FRMD1: variants seen among roughly 807,000 people sequenced by gnomAD.
The protein encoded by FRMD1 is FERM domain-containing protein 1.
FRMD1 carries 51 observed loss-of-function variants against 54.9 expected under a neutral mutation model. The observed-to-expected ratio is 0.93, with a 90% CI of 0.74 to 1.17. FRMD1 has a LOEUF of 1.17. Ranked by LOEUF, FRMD1 falls within the 50% of genes most tolerant of loss-of-function variation. The pLI, the probability that FRMD1 is intolerant of heterozygous loss-of-function variation, is 0.00. For missense variants in FRMD1, 729 were observed against 743.0 expected (o/e 0.98, Z 0.22); for synonymous variants, 324 against 306.4 (o/e 1.06, Z -0.60).
chr6:168,066,347 A>C, intron 4 of FRMD1: 1 of 530,604 alleles, frequency 1.9e-6, no homozygotes, highest in Non-Finnish European at 2.4e-6. Context: ...GAAAATACAA[A>C]ATTAGCCAGG....
chr6:168,081,203 C>T, upstream of FRMD1: 1 of 681,486 alleles, frequency 1.5e-6, no homozygotes. Context: ...TGCTGAGGCT[C>T]CAAGGCAAGG....
rs1363072652 is a variant in FRMD1 at position 168,056,186 on chromosome 6, T to A, written c.*911A>T. ...GAGGAGCCCTGGGGAGACCCTACCC[T>A]GGTGGCCTTCCAGAGCCCACAGAAC... On this transcript the variant is annotated 3_prime_UTR_variant, in exon 11 of 11. Transcript: ENST00000283309. 6.6e-6 allele frequency: 1 copy of A among 152,442 alleles called. No individual in the cohort carries two copies. The highest frequency in any genetic ancestry group is 1.5e-5 in the Non-Finnish European group (1 of 68,228). The allele number at this position is 152,442 out of a possible 1,614,324, so 9.4% of individuals were successfully genotyped here.
intron 3 of FRMD1, 78 bp downstream of exon 3, chr6:168,067,289 T>C (rs1018339947): frequency 2.1e-6 from 2 of 932,174 alleles, no homozygotes; most frequent in South Asian, 1.5e-5. Flanking sequence ...GCCTGCTCTC[T>C]CCCACCCCAC....
chr6:168,062,489 C>A (rs998296449), intron 7 of FRMD1, among the ~76,000 whole-genome samples: 1 of 152,262 alleles, frequency 6.6e-6, no homozygotes, highest in African/African-American at 2.4e-5. Flanking sequence ...CTAAACACCC[C>A]ACGCCTGCAG....
At chr6:168,089,996 A>G (rs892797071) in intron 1 of FRMD1, among the ~76,000 whole-genome samples, 2 of 152,094 alleles carry the variant, frequency 1.3e-5, no homozygotes, top group African/African-American at 4.8e-5. Context: ...CCACCTGCTC[A>G]GGCTGTAGGA....
At chr6:168,090,068 A>G (rs1004421769) in intron 1 of FRMD1, among the ~76,000 whole-genome samples, 1 of 152,042 alleles carries the variant, frequency 6.6e-6, no homozygotes, top group Non-Finnish European at 1.5e-5. Context: ...CAGTGAGCCA[A>G]TCCCGGCGGC....
intron 1 of FRMD1, among the ~76,000 whole-genome samples, chr6:168,091,282 G>A (rs1801011862): frequency 6.6e-6 from 1 of 152,226 alleles, no homozygotes; most frequent in African/African-American, 2.4e-5. Context: ...GGCTGCAGGT[G>A]GAGATGCCCC....
chr6:168,083,916 T>C (rs1375234753), upstream of FRMD1, among the ~76,000 whole-genome samples: 2 of 152,216 alleles, frequency 1.3e-5, no homozygotes, highest in East Asian at 3.9e-4. Context: ...AATTTACTTG[T>C]TACAAAGTCT....
At chr6:168,075,421 AC>A in intron 1 of FRMD1, 86 bp from the exon 2 acceptor site, 1 of 1,053,402 alleles carries the variant, frequency 9.5e-7, no homozygotes, top group Non-Finnish European at 1.5e-6. Context: ...CCAGCGGGGC[AC>A]CAGGTGGACG....
At chr6:168,062,723 G>A (rs778040847) in intron 7 of FRMD1, 171 bp downstream of exon 7, 20 of 1,555,694 alleles carry the variant, frequency 1.3e-5, no homozygotes, top group South Asian at 8.2e-5. Flanking sequence ...CAGCAGCTGC[G>A]GAGCACGGTC....
intron 1 of FRMD1, among the ~76,000 whole-genome samples, chr6:168,088,718 C>T (rs1322780207): frequency 6.6e-6 from 1 of 152,136 alleles, no homozygotes; most frequent in Non-Finnish European, 1.5e-5. Flanking sequence ...GGCAGGAGGG[C>T]TTTGTAGACA....
chr6:168,087,051 T>C (rs767922328), intron 1 of FRMD1, among the ~76,000 whole-genome samples: 4 of 151,948 alleles, frequency 2.6e-5, no homozygotes, highest in Non-Finnish European at 4.4e-5. Context: ...TTTCAACCAC[T>C]GATTTCAGTC....
chr6:168,089,301 C>A (rs1324894778), intron 1 of FRMD1, among the ~76,000 whole-genome samples: 1 of 152,224 alleles, frequency 6.6e-6, no homozygotes, highest in Non-Finnish European at 1.5e-5. Flanking sequence ...CCCTGGGGCA[C>A]AGTCACTGTC....
At chr6:168,085,451 G>T (rs910316550), upstream of FRMD1, among the ~76,000 whole-genome samples, 1 of 152,202 alleles carries the variant, frequency 6.6e-6, no homozygotes, top group Non-Finnish European at 1.5e-5. Context: ...GGGGGCCTCT[G>T]GGCACTCCAG....
At position 168,057,338 on chromosome 6, in the gene FRMD1, A is replaced by G; in HGVS notation, c.1409T>C (p.Ile470Thr). ...RGQSAEAVHQ[I>T]QEMTAGVSEE... is the part of the protein sequence containing the mutation. ...ACTGACCCCGGCTGTCATTTCCTGG[A>G]TCTGCGGGGAGAGGCCATGGGATGA... The change falls in exon 11 of 11, where the codon ATC becomes ACC. Residue 470 changes from isoleucine to threonine, a missense_variant and splice_region_variant. By Grantham distance (89) the Ile-to-Thr change is moderately conservative (BLOSUM62 -1). Coordinates refer to ENST00000283309, the MANE Select transcript of FRMD1 (RefSeq NM_024919.6). 2 of 1,609,620 alleles carry G rather than the reference A, an allele frequency of 1.2e-6. No homozygotes were observed. Among genetic ancestry groups the G allele is most frequent in the East Asian group, 4.5e-5 (2 of 44,846 alleles).
chr6:168,065,238 C>A (rs1033527424), intron 4 of FRMD1, 181 bp from the exon 5 acceptor site: 3 of 1,378,936 alleles, frequency 2.2e-6, no homozygotes, highest in Non-Finnish European at 2.8e-6. Flanking sequence ...CAGGCCCACA[C>A]TCTTCCTGGA....
At position 168,053,307 on chromosome 6, in the gene FRMD1, G is replaced by C. The variant is rs9791199; in HGVS notation, c.*3790C>G. ...CGTGAGAACGGTCATGGGCCCGGCT[G>C]CAGGACCGGCATTGCCTACCACGTC... is the stretch of plus-strand genomic sequence containing the variant. On this transcript the variant is annotated 3_prime_UTR_variant, in exon 11 of 11. Transcript: ENST00000283309. The C allele has an allele frequency of 0.38, 57,964 of 152,132 alleles. 11,589 individuals carry two copies. The highest frequency in any genetic ancestry group is 0.52 in the African/African-American group (21,582 of 41,484). The allele number at this position is 152,132 out of a possible 1,614,324, so 9.4% of individuals were successfully genotyped here. A position where few individuals can be genotyped will look rare whatever the true frequency, so the allele number is the denominator to read the frequency against.
intron 2 of FRMD1, among the ~76,000 whole-genome samples, chr6:168,071,465 T>G (rs774969923): frequency 6.6e-6 from 1 of 152,178 alleles, no homozygotes; most frequent in Non-Finnish European, 1.5e-5. Flanking sequence ...AGGGCTCTGC[T>G]GGGTGGAGGT....
In FRMD1 at chr6:168,063,607, C is replaced by T. The variant is rs954839580; in HGVS notation, c.798G>A (p.Leu266=). ...LEDVPVHFFR[L]HKDKKEGRPT... is the part of the protein sequence containing the mutation. ...TGGCCGCCCTGGGCTCGACCTTGTG[C>T]AGCCTGAAGAAGTGCACGGGCACGT... Residue 266 remains leucine (L), a synonymous_variant, in exon 6 of 11, where the codon CTG becomes CTA. Transcript: ENST00000283309. 3 of 1,610,606 alleles carry T rather than the reference C, an allele frequency of 1.9e-6. No individual in the cohort carries two copies. Among genetic ancestry groups the T allele is most frequent in the Non-Finnish European group, 1.7e-6 (2 of 1,178,516 alleles).
Sources: allele counts gnomAD v4.1 joint callset (sites outside exome capture counted in the v4.1 genomes callset), GRCh38; gene constraint gnomAD v4.1.1; transcripts MANE v1.5; gene names NCBI Gene and HGNC (gene_info 2026-07-23, HGNC 2026-07-21).